The following OR10J1 variants were observed in gnomAD, a reference collection of about 807,000 sequenced individuals.
The protein encoded by OR10J1 is olfactory receptor 10J1.
For missense variants in OR10J1, 474 were observed against 376.6 expected, an observed-to-expected ratio of 1.26 and a Z score of -2.14; for synonymous variants, 202 against 143.8, an observed-to-expected ratio of 1.40 and a Z score of -2.89.
the OR10J1 span, among the ~76,000 whole-genome samples, chr1:159,417,622 A>G: frequency 1.3e-5 from 2 of 152,128 alleles, no homozygotes; most frequent in African/African-American, 4.8e-5. Context: ...TTTTCTTTAT[A>G]ATTAACCAGT....
At chr1:159,424,657 A>C in the OR10J1 span, among the ~76,000 whole-genome samples, 2 of 151,932 alleles carry the variant, frequency 1.3e-5, no homozygotes, top group Non-Finnish European at 2.9e-5. Flanking sequence ...ACATTAACAA[A>C]TTGGAAGATA....
the OR10J1 span, among the ~76,000 whole-genome samples, chr1:159,413,794 C>G: frequency 2.6e-5 from 4 of 151,296 alleles, no homozygotes; most frequent in Admixed American, 1.3e-4. Flanking sequence ...ACATATGTAA[C>G]TAACCTGCAC....
At chr1:159,424,393 T>C in the OR10J1 span, among the ~76,000 whole-genome samples, 1 of 150,138 alleles carries the variant, frequency 6.7e-6, no homozygotes, top group East Asian at 1.9e-4. Context: ...TATATGTGTA[T>C]ACATGTACAT....
chr1:159,432,952 T>G (rs529755330), upstream of OR10J1: 3 of 432,172 alleles, frequency 6.9e-6, no homozygotes, highest in South Asian at 2.8e-4. Flanking sequence ...CAGTGGTCAT[T>G]GTCCACTATG....
chr1:159,438,082 A>G (rs1396765640), upstream of OR10J1: 1 of 152,226 alleles, frequency 6.6e-6, no homozygotes, highest in Non-Finnish European at 1.5e-5. Context: ...AATGGGGCTC[A>G]TTACATATGA....
At chr1:159,418,971 C>A in the OR10J1 span, among the ~76,000 whole-genome samples, 1 of 152,154 alleles carries the variant, frequency 6.6e-6, no homozygotes, top group Non-Finnish European at 1.5e-5. Flanking sequence ...TTGCATGGGG[C>A]CTGTAGCCCC....
At chr1:159,414,830 A>G in the OR10J1 span, among the ~76,000 whole-genome samples, 3 of 152,118 alleles carry the variant, frequency 2.0e-5, no homozygotes, top group African/African-American at 7.2e-5. Context: ...CCTGATGATT[A>G]GTGATATTAA....
the OR10J1 span, among the ~76,000 whole-genome samples, chr1:159,411,998 A>G: frequency 6.6e-6 from 1 of 152,296 alleles, no homozygotes; most frequent in Admixed American, 6.5e-5. Flanking sequence ...TACTCAGGAT[A>G]GAAAATCAAT....
At chr1:159,433,800 T>A (rs1655657822), upstream of OR10J1, among the ~76,000 whole-genome samples, 1 of 152,206 alleles carries the variant, frequency 6.6e-6, no homozygotes, top group Non-Finnish European at 1.5e-5. Context: ...GGGGCAATTA[T>A]TCAGACTTCA....
chr1:159,404,492 C>T, the OR10J1 span, among the ~76,000 whole-genome samples: 1 of 152,070 alleles, frequency 6.6e-6, no homozygotes, highest in Non-Finnish European at 1.5e-5. Context: ...TCATTTACAG[C>T]TCAAACATCA....
the OR10J1 span, among the ~76,000 whole-genome samples, chr1:159,399,575 A>AG: frequency 6.8e-6 from 1 of 148,138 alleles, no homozygotes; most frequent in Non-Finnish European, 1.5e-5. Context: ...TGTCTCAAAA[A>AG]AAAAAAAAAA....
In OR10J1 at chr1:159,439,853, A is replaced by G. The variant is rs748635416; in HGVS notation, c.62A>G (p.His21Arg). 4 of 1,614,184 alleles carry G rather than the reference A, an allele frequency of 2.5e-6. No homozygotes were observed. The highest frequency in any genetic ancestry group is 1.7e-4 in the Middle Eastern group (1 of 6,060). ...DFVFQGFSSF[H>R]EQQITLFGVF... ...GTTTTCCAAGGTTTCTCTAGCTTCC[A>G]TGAGCAGCAGATCACCCTTTTTGGC... Residue 21 changes from histidine to arginine, a missense_variant, in exon 1 of 1, where the codon CAT becomes CGT. Transcript: ENST00000423932.
the OR10J1 span, among the ~76,000 whole-genome samples, chr1:159,416,419 A>T: frequency 6.8e-6 from 1 of 146,514 alleles, no homozygotes; most frequent in African/African-American, 2.5e-5. Context: ...ATTTTTCTTC[A>T]TCTATTGAGA....
upstream of OR10J1, among the ~76,000 whole-genome samples, chr1:159,436,851 C>T (rs1655751152): frequency 6.6e-6 from 1 of 152,134 alleles, no homozygotes; most frequent in African/African-American, 2.4e-5. Context: ...CAACCTGAGT[C>T]TAATCAAGGA....
chr1:159,415,730 T>C, the OR10J1 span, among the ~76,000 whole-genome samples: 1 of 152,044 alleles, frequency 6.6e-6, no homozygotes, highest in Non-Finnish European at 1.5e-5. Context: ...TCACTTTTAG[T>C]AATATGTTAA....
the OR10J1 span, among the ~76,000 whole-genome samples, chr1:159,407,686 C>G: frequency 6.6e-6 from 1 of 152,094 alleles, no homozygotes; most frequent in East Asian, 1.9e-4. Context: ...TCTTATATTT[C>G]TCTATGAAAT....
At chr1:159,436,356 A>G (rs1655736710), upstream of OR10J1, among the ~76,000 whole-genome samples, 1 of 152,142 alleles carries the variant, frequency 6.6e-6, no homozygotes, top group African/African-American at 2.4e-5. Context: ...TTATGAAATT[A>G]TTGGTTCTTT....
the OR10J1 span, among the ~76,000 whole-genome samples, chr1:159,420,185 A>G: frequency 6.6e-6 from 1 of 151,960 alleles, no homozygotes; most frequent in Non-Finnish European, 1.5e-5. Flanking sequence ...ATATTTTTCT[A>G]TTCCCTTACT....
At chr1:159,414,990 T>A in the OR10J1 span, among the ~76,000 whole-genome samples, 3 of 152,162 alleles carry the variant, frequency 2.0e-5, no homozygotes, top group Non-Finnish European at 4.4e-5. Flanking sequence ...GTGGGATGAA[T>A]AGTTTGCAAA....
Sources: allele counts gnomAD v4.1 joint callset (sites outside exome capture counted in the v4.1 genomes callset), GRCh38; gene constraint gnomAD v4.1.1; transcripts MANE v1.5; gene names NCBI Gene and HGNC (gene_info 2026-07-23, HGNC 2026-07-21).